The following MAF variants were observed in gnomAD, a reference collection of about 807,000 sequenced individuals.
The protein encoded by MAF is transcription factor Maf.
MAF carries 10 observed loss-of-function variants against 22.0 expected under a neutral mutation model. That is an observed-to-expected ratio of 0.45 (90% CI 0.28 to 0.77). MAF has a LOEUF of 0.77. Ranked by LOEUF, MAF falls within the 30% of genes least tolerant of loss-of-function variation. MAF has a pLI of 0.12. For synonymous variants in MAF, 337 were observed against 255.8 expected (o/e 1.32, Z -3.03); for missense variants, 544 against 548.4 (o/e 0.99, Z 0.08).
At chr16:79,476,535 A>C in the MAF span, among the ~76,000 whole-genome samples, 1 of 151,884 alleles carries the variant, frequency 6.6e-6, no homozygotes, top group Admixed American at 6.6e-5. Flanking sequence ...TTGACTCCCA[A>C]CTCTGCTCCT....
the MAF span, among the ~76,000 whole-genome samples, chr16:79,470,130 T>C: frequency 6.6e-6 from 1 of 152,230 alleles, no homozygotes. Flanking sequence ...CTGGCATTTT[T>C]CCGGGATGTG....
chr16:79,388,309 G>T, the MAF span, among the ~76,000 whole-genome samples: 1 of 150,938 alleles, frequency 6.6e-6, no homozygotes, highest in Admixed American at 6.6e-5. Context: ...GGGCTGTTAA[G>T]ATTTCTACAA....
At chr16:79,242,751 A>C in the MAF span, among the ~76,000 whole-genome samples, 1 of 152,078 alleles carries the variant, frequency 6.6e-6, no homozygotes, top group Non-Finnish European at 1.5e-5. Context: ...CAAAATATAC[A>C]TTCTTTTCAG....
chr16:79,221,059 C>G, the MAF span, among the ~76,000 whole-genome samples: 2 of 152,218 alleles, frequency 1.3e-5, no homozygotes, highest in Non-Finnish European at 2.9e-5. Context: ...TGGGTCAGCT[C>G]GTTTTGCCAG....
chr16:79,284,904 C>G, the MAF span, among the ~76,000 whole-genome samples: 51 of 152,294 alleles, frequency 3.3e-4, no homozygotes, highest in South Asian at 2.1e-4. Context: ...AGCTCTCCCC[C>G]CAGCCAACAG....
At chr16:79,228,724 T>C in the MAF span, among the ~76,000 whole-genome samples, 1 of 152,070 alleles carries the variant, frequency 6.6e-6, no homozygotes, top group African/African-American at 2.4e-5. Context: ...GTTTCTCCTC[T>C]GTTTCCACTT....
chr16:79,505,817 A>G, the MAF span: 2 of 152,284 alleles, frequency 1.3e-5, no homozygotes, highest in South Asian at 2.1e-4. Flanking sequence ...GGGGATAAAA[A>G]TGCACTCATG....
chr16:79,207,407 G>A, the MAF span, among the ~76,000 whole-genome samples: 12 of 152,204 alleles, frequency 7.9e-5, no homozygotes, highest in South Asian at 2.1e-4. Context: ...GAACACTGCC[G>A]TCTTCAAAAG....
rs1567562175 is a variant in MAF, at chr16:79,594,428, A to T, written c.*32T>A. The T allele has an allele frequency of 1.2e-5, 16 of 1,298,826 alleles. No individual in the cohort carries two copies. Among genetic ancestry groups the T allele is most frequent in the South Asian group, 1.5e-5 (1 of 66,684 alleles). 80.5% of individuals were successfully genotyped at this position (1,298,826 alleles called of 1,614,324 possible). The stretch of plus-strand genomic sequence containing the variant: ...ACTGCAAATAATAATAATAATGATG[A>T]TTTTTTTTAATGTACAGCTCTCACA... On this transcript the variant is annotated 3_prime_UTR_variant, in exon 2 of 2. Transcript: ENST00000326043.
chr16:79,588,535 A>G (rs1164159154), intron 1 of MAF, among the ~76,000 whole-genome samples: 1 of 151,812 alleles, frequency 6.6e-6, no homozygotes, highest in Non-Finnish European at 1.5e-5. Flanking sequence ...CCCAGGTTTT[A>G]AGTGATTCTC....
At chr16:79,482,801 A>G in the MAF span, among the ~76,000 whole-genome samples, 7 of 151,102 alleles carry the variant, frequency 4.6e-5, no homozygotes, top group Admixed American at 2.0e-4. Flanking sequence ...TTCTTGCAGC[A>G]GATGCCAGAC....
the MAF span, among the ~76,000 whole-genome samples, chr16:79,490,382 C>T: frequency 6.6e-6 from 1 of 152,206 alleles, no homozygotes; most frequent in Admixed American, 6.5e-5. Context: ...CCTGTGTGGG[C>T]TGGGCGAGCA....
chr16:79,481,547 A>T, the MAF span, among the ~76,000 whole-genome samples: 163 of 151,996 alleles, frequency 1.1e-3, no homozygotes, highest in African/African-American at 3.9e-3. Flanking sequence ...CCACCCATTG[A>T]CTACCTTTTA....
At chr16:79,456,961 C>CG in the MAF span, among the ~76,000 whole-genome samples, 5 of 152,116 alleles carry the variant, frequency 3.3e-5, no homozygotes, top group East Asian at 9.6e-4. Context: ...CACACACACC[C>CG]TTGGAGCCTA....
chr16:79,373,473 C>G, the MAF span, among the ~76,000 whole-genome samples: 4 of 140,880 alleles, frequency 2.8e-5, no homozygotes, highest in South Asian at 4.7e-4. Context: ...ACCTCCATCT[C>G]CTGGGTTCAA....
the MAF span, among the ~76,000 whole-genome samples, chr16:79,300,980 G>A: frequency 6.6e-6 from 1 of 152,044 alleles, no homozygotes; most frequent in African/African-American, 2.4e-5. Context: ...AGGGGCAGAA[G>A]GGGGAGGAGA....
At chr16:79,487,216 A>G in the MAF span, among the ~76,000 whole-genome samples, 1 of 152,218 alleles carries the variant, frequency 6.6e-6, no homozygotes, top group African/African-American at 2.4e-5. Context: ...CAAAAAAAAA[A>G]AAAAAAATTC....
the MAF span, among the ~76,000 whole-genome samples, chr16:79,387,198 G>C: frequency 6.6e-6 from 1 of 152,176 alleles, no homozygotes; most frequent in Non-Finnish European, 1.5e-5. Flanking sequence ...ATGCCTTACT[G>C]AACAGTGGTG....
chr16:79,393,069 AT>A, the MAF span, among the ~76,000 whole-genome samples: 3 of 152,200 alleles, frequency 2.0e-5, no homozygotes, highest in African/African-American at 7.2e-5. Flanking sequence ...GGGGTAAAAC[AT>A]TCCCTTTGCT....
Sources: allele counts gnomAD v4.1 joint callset (sites outside exome capture counted in the v4.1 genomes callset), GRCh38; gene constraint gnomAD v4.1.1; transcripts MANE v1.5; gene names NCBI Gene and HGNC (gene_info 2026-07-23, HGNC 2026-07-21).